The following OTUD7A variants were observed in gnomAD, a reference collection of about 807,000 sequenced individuals.
The protein encoded by OTUD7A is OTU domain-containing protein 7A.
A neutral mutation model predicts 65.7 loss-of-function variants in OTUD7A; 12 were observed. The observed-to-expected ratio is 0.18, with a 90% CI of 0.12 to 0.30. OTUD7A has a LOEUF of 0.30. Ranked by LOEUF, OTUD7A falls within the 10% of genes least tolerant of loss-of-function variation. OTUD7A has a pLI of 1.00. For missense variants in OTUD7A, 1,148 were observed against 1,304.8 expected (o/e 0.88, Z 1.85); for synonymous variants, 641 against 586.3 (o/e 1.09, Z -1.35).
At chr15:31,702,068 T>TGAA (rs1372475255) in intron 1 of OTUD7A, among the ~76,000 whole-genome samples, 1 of 120,298 alleles carries the variant, frequency 8.3e-6, no homozygotes. Context: ...CATCAGTTGA[T>TGAA]GAAGGAAAAA....
At chr15:31,711,263 G>A (rs1289801636) in intron 1 of OTUD7A, among the ~76,000 whole-genome samples, 1 of 152,012 alleles carries the variant, frequency 6.6e-6, no homozygotes, top group African/African-American at 2.4e-5. Flanking sequence ...TAAAGGCTGT[G>A]ACTGATAACA....
chr15:31,559,292 T>C (rs1888604997), intron 4 of OTUD7A, 105 bp from the exon 5 acceptor site: 2 of 1,075,460 alleles, frequency 1.9e-6, no homozygotes, highest in African/African-American at 1.6e-5. Context: ...CACACACAGG[T>C]ACACATTCAT....
chr15:31,812,453 A>G (rs867611578), intron 1 of OTUD7A, among the ~76,000 whole-genome samples: 1 of 152,202 alleles, frequency 6.6e-6, no homozygotes, highest in Non-Finnish European at 1.5e-5. Context: ...GGAGAGAAGA[A>G]AGAGCCTTGG....
chr15:31,798,355 C>T (rs1036308451), intron 1 of OTUD7A, among the ~76,000 whole-genome samples: 25 of 152,168 alleles, frequency 1.6e-4, no homozygotes, highest in Non-Finnish European at 2.9e-5. Context: ...CAATCTTTCA[C>T]TCAAGTGTTT....
chr15:31,484,405 GCCGAGT>G lies in OTUD7A; in HGVS notation c.1685_1690del (p.Asp562_Ser563del). ...GGCCTTCTTCTCCTTGCCCCGCTCG[GCCGAGT>G]CCCCGTTCTTGCCATTGGCGGAGTT... On this transcript the variant is annotated inframe_deletion, in exon 13 of 13. Coordinates refer to ENST00000307050, the MANE Select transcript of OTUD7A (RefSeq NM_001382637.1). The surrounding 1 kb of genome is among the most constrained non-coding windows in gnomAD (Gnocchi z 4.5). The G allele has an allele frequency of 6.2e-7, 1 of 1,601,612 alleles. No homozygotes were observed. The highest frequency in any genetic ancestry group is 8.5e-7 in the Non-Finnish European group (1 of 1,179,778).
chr15:31,611,135 C>A (rs1382503217), intron 3 of OTUD7A, among the ~76,000 whole-genome samples: 3 of 152,032 alleles, frequency 2.0e-5, no homozygotes, highest in African/African-American at 7.2e-5. Flanking sequence ...CTATCAAAAT[C>A]TCTGGGATAT....
intron 9 of OTUD7A, 124 bp from the exon 10 acceptor site, chr15:31,501,963 G>C (rs1177323661): frequency 1.8e-6 from 2 of 1,089,880 alleles, no homozygotes; most frequent in African/African-American, 3.2e-5. Flanking sequence ...GGACAGGAGG[G>C]GTGGATGGAG....
chr15:31,749,432 G>A (rs1894568036), intron 1 of OTUD7A, among the ~76,000 whole-genome samples: 1 of 152,144 alleles, frequency 6.6e-6, no homozygotes, highest in African/African-American at 2.4e-5. Flanking sequence ...TATCCCCCAT[G>A]AGCCAACAAC....
chr15:31,513,327 T>C lies in OTUD7A; in HGVS notation c.894-9509A>G, dbSNP rs536132111. On this transcript the variant is annotated intron_variant, in intron 8 of 12. Coordinates refer to ENST00000307050, the MANE Select transcript of OTUD7A (RefSeq NM_001382637.1). ...ATCACCCTGGAAAGTTCTTGCTCAT[T>C]TTCTATGAACAGAACATCCTCCTAC... is the stretch of plus-strand genomic sequence containing the variant. Among the ~76,000 whole-genome samples, 27 of 152,326 alleles carry C rather than the reference T, an allele frequency of 1.8e-4. 1 individual carries two copies. The highest frequency in any genetic ancestry group is 5.5e-4 in the African/African-American group (23 of 41,560).
rs150021728 is a variant in OTUD7A, at chr15:31,643,497, T to G, written c.151+11599A>C. Among the ~76,000 whole-genome samples the G allele has an allele frequency of 4.7e-4, 72 of 152,362 alleles. No homozygotes were observed. The East Asian group carries it at 0.012, about 25-fold the overall frequency. ...GCTTTAAAAAGTATCTTCCATAACT[T>G]TACTTAAACATCTGAACAGCATGTC... is the stretch of plus-strand genomic sequence containing the variant. On this transcript the variant is annotated intron_variant, in intron 3 of 12. Coordinates refer to ENST00000307050, the MANE Select transcript of OTUD7A (RefSeq NM_001382637.1).
intron 1 of OTUD7A, among the ~76,000 whole-genome samples, chr15:31,825,841 G>C (rs1896784361): frequency 6.6e-6 from 1 of 152,212 alleles, no homozygotes; most frequent in Non-Finnish European, 1.5e-5. Flanking sequence ...AGGGGCTACA[G>C]GCCCCATGCG....
chr15:31,806,799 G>A (rs535782931), intron 1 of OTUD7A, among the ~76,000 whole-genome samples: 2 of 152,352 alleles, frequency 1.3e-5, no homozygotes, highest in Non-Finnish European at 2.9e-5. Flanking sequence ...TGGTAAGCAG[G>A]AGAACTGAGT....
intron 1 of OTUD7A, chr15:31,767,060 T>C: frequency 6.3e-7 from 1 of 1,593,204 alleles, no homozygotes; most frequent in Non-Finnish European, 8.6e-7. Flanking sequence ...TTAGCACATC[T>C]TTCTTGAAAT....
intron 5 of OTUD7A, among the ~76,000 whole-genome samples, chr15:31,545,549 T>G (rs997040113): frequency 6.6e-6 from 1 of 151,604 alleles, no homozygotes; most frequent in Non-Finnish European, 1.5e-5. Flanking sequence ...TATAAATAAT[T>G]CCCACAAGTC....
intron 1 of OTUD7A, among the ~76,000 whole-genome samples, chr15:31,790,793 C>T (rs1231194884): frequency 6.6e-6 from 1 of 152,200 alleles, no homozygotes; most frequent in Non-Finnish European, 1.5e-5. Flanking sequence ...GCTATAGATG[C>T]TGCCTCATGA....
At chr15:31,752,595 C>A (rs190872057) in intron 1 of OTUD7A, among the ~76,000 whole-genome samples, 1 of 152,230 alleles carries the variant, frequency 6.6e-6, no homozygotes, top group East Asian at 1.9e-4. Context: ...CATTAGCTTG[C>A]TGAGTTATGA....
At chr15:31,503,133 G>A (rs1470346758) in intron 9 of OTUD7A, among the ~76,000 whole-genome samples, 1 of 152,172 alleles carries the variant, frequency 6.6e-6, no homozygotes, top group African/African-American at 2.4e-5. Context: ...GTCCACCCTG[G>A]GAGGTTGTAG....
chr15:31,501,939 G>A (rs887332670), intron 9 of OTUD7A, 100 bp from the exon 10 acceptor site: 31 of 1,336,808 alleles, frequency 2.3e-5, no homozygotes, highest in East Asian at 1.9e-4. Context: ...GGGGGACTCC[G>A]TGGAGAAGCG....
At chr15:31,538,681 C>T (rs944129441) in intron 5 of OTUD7A, among the ~76,000 whole-genome samples, 29 of 152,148 alleles carry the variant, frequency 1.9e-4, no homozygotes, top group East Asian at 1.9e-4. Context: ...TACTGAGTAA[C>T]GAGCAAAACT....
Sources: gnomAD v4.1 joint callset for allele counts (sites outside exome capture counted in the v4.1 genomes callset) on GRCh38, gnomAD v4.1.1 for gene constraint, Gnocchi (gnomAD v3.1) non-coding constraint, MANE v1.5 for transcripts, NCBI Gene and HGNC (gene_info 2026-07-23, HGNC 2026-07-21) for gene names.